Variants in MOB2 observed in about 807,000 individuals in gnomAD.
MOB2 encodes the protein MOB kinase activator 2.
Under a neutral mutation model 27.4 loss-of-function variants are expected in MOB2, and 14 were observed. The observed-to-expected ratio is 0.51, with a 90% CI of 0.34 to 0.80. The LOEUF (loss-of-function observed/expected upper bound fraction) is 0.80. MOB2 is among the 30% of genes least tolerant of loss of function. MOB2 has a pLI of 0.01. For synonymous variants in MOB2, 167 were observed against 151.8 expected, an observed-to-expected ratio of 1.10 and a Z score of -0.74; for missense variants, 304 against 354.6, an observed-to-expected ratio of 0.86 and a Z score of 1.15.
intron 3 of MOB2, among the ~76,000 whole-genome samples, chr11:1,474,516 T>C (rs966647731): frequency 1.3e-5 from 2 of 152,268 alleles, no homozygotes; most frequent in Non-Finnish European, 1.5e-5. Flanking sequence ...CGTTTGGTTT[T>C]TGACACAAAT....
chr11:1,470,415 G>A lies in MOB2; in HGVS notation c.564C>T (p.His188=), dbSNP rs1847772391. 1 of 1,613,708 alleles carries A rather than the reference G, an allele frequency of 6.2e-7. No homozygotes were observed. Residue 188 remains histidine (H), a synonymous_variant, in exon 5 of 5, where the codon CAC becomes CAT. Coordinates refer to ENST00000329957, the MANE Select transcript of MOB2 (RefSeq NM_001172223.3). ...ICRHLFHVLA[H]IYWAHFKETL... ...TCTCCTTGAAGTGGGCCCAGTAGAT[G>A]TGTGCCAGCACGTGGAACAGGTGTC...
intron 1 of MOB2, among the ~76,000 whole-genome samples, chr11:1,484,772 G>A (rs1446847830): frequency 1.3e-5 from 2 of 152,082 alleles, no homozygotes; most frequent in Non-Finnish European, 2.9e-5. Context: ...TCTGTCACAC[G>A]GCCTCAGGCT....
rs556208754 is a variant in MOB2 at position 1,486,567 on chromosome 11, C to A, written c.-11G>T. 2.2e-4 allele frequency: 343 copies of A among 1,525,756 alleles called. 1 individual carries two copies. In the African/African-American group the frequency reaches 4.3e-3, roughly 19 times the overall value. 94.5% of individuals were successfully genotyped at this position (1,525,756 alleles called of 1,614,324 possible). ...GTGGTCTCCCAGCATGAGTGGGCGA[C>A]GGGAAGGTGGGGAGGAGAAGCGGGG... On this transcript the variant is annotated 5_prime_UTR_variant, in exon 1 of 5. Transcript: ENST00000329957.
intron 3 of MOB2, among the ~76,000 whole-genome samples, chr11:1,479,876 G>C (rs571431480): frequency 1.3e-5 from 2 of 152,360 alleles, no homozygotes; most frequent in Admixed American, 6.5e-5. Context: ...CCCATGCTAC[G>C]CAAGTGAGGT....
chr11:1,477,193 G>A (rs989981189), intron 3 of MOB2, among the ~76,000 whole-genome samples: 6 of 152,184 alleles, frequency 3.9e-5, no homozygotes, highest in Admixed American at 6.5e-5. Context: ...TACACAGGCC[G>A]TCCGTTTGCT....
chr11:1,477,835 A>G (rs1847869224), intron 3 of MOB2, among the ~76,000 whole-genome samples: 1 of 152,212 alleles, frequency 6.6e-6, no homozygotes, highest in South Asian at 2.1e-4. Context: ...AGAGTTGGTT[A>G]TTTTAAAAAT....
At chr11:1,485,236 G>A (rs918370048) in intron 1 of MOB2, among the ~76,000 whole-genome samples, 3 of 152,210 alleles carry the variant, frequency 2.0e-5, no homozygotes. Context: ...GCCTGCCTCT[G>A]TGTCTCCTGT....
Position 1,470,271 on chromosome 11 carries a change from C to T in MOB2, c.708G>A (p.Glu236=). Residue 236 remains glutamate (E), a synonymous_variant, in exon 5 of 5, where the codon GAG becomes GAA. Coordinates refer to ENST00000329957, the MANE Select transcript of MOB2 (RefSeq NM_001172223.3). The part of the protein sequence containing the change: ...KETAIMDDLT[E]VLCSGAGGVH... ...CCCCGCCGGCCCCGCTGCATAGCAC[C>T]TCGGTGAGGTCGTCCATGATGGCGG... 1 of 1,613,040 alleles carries T rather than the reference C, an allele frequency of 6.2e-7. No individual in the cohort carries two copies. Among genetic ancestry groups the T allele is most frequent in the Non-Finnish European group, 8.5e-7 (1 of 1,179,888 alleles).
chr11:1,475,597 A>G (rs1009366158), intron 3 of MOB2, among the ~76,000 whole-genome samples: 3 of 152,126 alleles, frequency 2.0e-5, no homozygotes, highest in Non-Finnish European at 4.4e-5. Context: ...ACCCAGTGTA[A>G]TTCATAAACT....
At chr11:1,481,108 A>G (rs11030218) in intron 1 of MOB2, 143,166 of 665,800 alleles carry the variant, frequency 0.22, 18,034 homozygotes, top group East Asian at 0.53. Flanking sequence ...TCCTGGGAAG[A>G]AGGGCTGGCG....
At position 1,469,921 on chromosome 11, in the gene MOB2, C is replaced by T. The variant is rs373976070; in HGVS notation, c.*251G>A. On this transcript the variant is annotated 3_prime_UTR_variant, in exon 5 of 5. Coordinates refer to ENST00000329957, the MANE Select transcript of MOB2 (RefSeq NM_001172223.3). ...GAAAACTCAAAGCATCAGTCCCATGCGTGTCTGCTGAACGAGTGAATGGGC... is the reference window on the plus strand; with the variant it reads ...GAAAACTCAAAGCATCAGTCCCATGTGTGTCTGCTGAACGAGTGAATGGGC... 528 of 846,740 alleles carry T rather than the reference C, an allele frequency of 6.2e-4. 9 individuals are homozygous for T. Among genetic ancestry groups the T allele is most frequent in the South Asian group, 6.1e-3 (426 of 69,672 alleles). The allele number at this position is 846,740 out of a possible 1,614,324, so 52.5% of individuals were successfully genotyped here.
chr11:1,483,837 G>A (rs563927425), intron 1 of MOB2, among the ~76,000 whole-genome samples: 5 of 152,200 alleles, frequency 3.3e-5, no homozygotes, highest in Non-Finnish European at 5.9e-5. Flanking sequence ...CACAAATTTG[G>A]TGGGCAAGGG....
At position 1,470,273 on chromosome 11, in the gene MOB2, C is replaced by T. The variant is rs945991163; in HGVS notation, c.706G>A (p.Glu236Lys). Reference protein sequence around the residue: ...KETAIMDDLTEVLCSGAGGVH... With the variant: ...KETAIMDDLTKVLCSGAGGVH... ...CCGCCGGCCCCGCTGCATAGCACCTCGGTGAGGTCGTCCATGATGGCGGTC... is the reference window on the plus strand; with the variant it reads ...CCGCCGGCCCCGCTGCATAGCACCTTGGTGAGGTCGTCCATGATGGCGGTC... Residue 236 changes from glutamate (E) to lysine (K), a missense_variant, in exon 5 of 5, where the codon GAG becomes AAG. Transcript: ENST00000329957. 5.6e-6 allele frequency: 9 copies of T among 1,612,912 alleles called. No individual in the cohort carries two copies. Among genetic ancestry groups the T allele is most frequent in the African/African-American group, 1.3e-5 (1 of 74,940 alleles).
Position 1,470,400 on chromosome 11 carries a change from G to T in MOB2, c.579C>A (p.His193Gln). The T allele has an allele frequency of 6.2e-7, 1 of 1,613,746 alleles. No individual in the cohort carries two copies. Among genetic ancestry groups the T allele is most frequent in the Non-Finnish European group, 8.5e-7 (1 of 1,179,890 alleles). Residue 193 changes from histidine to glutamine, a missense_variant, in exon 5 of 5, where the codon CAC becomes CAA. Coordinates refer to ENST00000329957, the MANE Select transcript of MOB2 (RefSeq NM_001172223.3). ...FHVLAHIYWA[H>Q]FKETLALELH... Reference sequence around the variant, plus strand: ...GCTCCAGGGCCAGCGTCTCCTTGAAGTGGGCCCAGTAGATGTGTGCCAGCA... The same window carrying T: ...GCTCCAGGGCCAGCGTCTCCTTGAATTGGGCCCAGTAGATGTGTGCCAGCA...
intron 1 of MOB2, among the ~76,000 whole-genome samples, chr11:1,482,659 G>A (rs1847927382): frequency 6.6e-6 from 1 of 152,250 alleles, no homozygotes; most frequent in Admixed American, 6.5e-5. Flanking sequence ...ACCCAGGGCT[G>A]GCCGGGCCCC....
At position 1,486,567 on chromosome 11, in the gene MOB2, C is replaced by T. The variant is rs556208754; in HGVS notation, c.-11G>A. ...GTGGTCTCCCAGCATGAGTGGGCGACGGGAAGGTGGGGAGGAGAAGCGGGG... is the reference window on the plus strand; with the variant it reads ...GTGGTCTCCCAGCATGAGTGGGCGATGGGAAGGTGGGGAGGAGAAGCGGGG... On this transcript the variant is annotated 5_prime_UTR_variant, in exon 1 of 5. Transcript: ENST00000329957. 1.3e-5 allele frequency: 20 copies of T among 1,525,640 alleles called. No individual in the cohort carries two copies. Among genetic ancestry groups the T allele is most frequent in the African/African-American group, 4.1e-5 (3 of 72,812 alleles). The allele number at this position is 1,525,640 out of a possible 1,614,324, so 94.5% of individuals were successfully genotyped here. A position where few individuals can be genotyped will look rare whatever the true frequency, so the allele number is the denominator to read the frequency against.
intron 3 of MOB2, among the ~76,000 whole-genome samples, chr11:1,474,882 C>T (rs898030627): frequency 6.6e-6 from 1 of 152,210 alleles, no homozygotes; most frequent in African/African-American, 2.4e-5. Context: ...TGTGAGATTC[C>T]TCTTATTTTT....
At chr11:1,471,447 A>G in intron 3 of MOB2, 28 bp from the exon 4 acceptor site, 1 of 1,591,778 alleles carries the variant, frequency 6.3e-7, no homozygotes, top group Non-Finnish European at 8.6e-7. Context: ...CGGTCAGGGC[A>G]TGCGCCCGCT....
In MOB2 at chr11:1,469,861, T is replaced by C. The variant is rs1285526351; in HGVS notation, c.*311A>G. 3 of 636,996 alleles carry C rather than the reference T, an allele frequency of 4.7e-6. No individual in the cohort carries two copies. Among genetic ancestry groups the C allele is most frequent in the South Asian group, 4.5e-5 (3 of 66,374 alleles). The allele number at this position is 636,996 out of a possible 1,614,324, so 39.5% of individuals were successfully genotyped here. ...GCAGCACCCGAGGGAGGGCAGGGGCTGCACGGAGACCAGAGAAAGGAAAAC... is the reference window on the plus strand; with the variant it reads ...GCAGCACCCGAGGGAGGGCAGGGGCCGCACGGAGACCAGAGAAAGGAAAAC... On this transcript the variant is annotated 3_prime_UTR_variant, in exon 5 of 5. Transcript: ENST00000329957.
Sources: gnomAD v4.1 joint callset for allele counts (sites outside exome capture counted in the v4.1 genomes callset) on GRCh38, gnomAD v4.1.1 for gene constraint, MANE v1.5 for transcripts, NCBI Gene and HGNC (gene_info 2026-07-23, HGNC 2026-07-21) for gene names.